TF: variants seen among roughly 807,000 people sequenced by gnomAD.
TF encodes the protein serotransferrin.
In TF, 55 loss-of-function variants were observed where a neutral mutation model predicts 82.4. That is an observed-to-expected ratio of 0.67 (90% CI 0.54 to 0.84). TF has a LOEUF of 0.84. Among genes scored for constraint, TF ranks in the 40% least tolerant of loss-of-function variants. The pLI is 0.00. For missense variants in TF, 737 were observed against 868.4 expected (o/e 0.85, Z 1.90); for synonymous variants, 332 against 332.6 (o/e 1.00, Z 0.02).
At chr3:133,765,085 C>CT (rs972684074) in intron 11 of TF, among the ~76,000 whole-genome samples, 178 bp downstream of exon 11, 5 of 152,166 alleles carry the variant, frequency 3.3e-5, no homozygotes, top group African/African-American at 1.2e-4. Flanking sequence ...CTTGCCATGG[C>CT]TTGCACACAG....
At chr3:133,764,846 T>C (rs1369771747) in intron 10 of TF, 29 bp from the exon 11 acceptor site, 8 of 1,611,360 alleles carry the variant, frequency 5.0e-6, no homozygotes, top group Admixed American at 1.7e-5. Flanking sequence ...CAGGGTTTAA[T>C]GCCTTTTTCA....
intron 5 of TF, among the ~76,000 whole-genome samples, chr3:133,756,063 A>G (rs1933820055): frequency 6.6e-6 from 1 of 151,934 alleles, no homozygotes; most frequent in Non-Finnish European, 1.5e-5. Context: ...CTTCAGTTGC[A>G]TTTTGCTTCT....
chr3:133,738,575 G>T, the TF span, among the ~76,000 whole-genome samples: 2 of 127,296 alleles, frequency 1.6e-5, no homozygotes, highest in Non-Finnish European at 1.7e-5. Flanking sequence ...CATCGTCTCA[G>T]TCCAAAATCT....
At chr3:133,717,991 T>C in the TF span, among the ~76,000 whole-genome samples, 1 of 152,058 alleles carries the variant, frequency 6.6e-6, no homozygotes, top group Non-Finnish European at 1.5e-5. Flanking sequence ...ATAAAATATA[T>C]GCCAAGAACT....
Position 133,784,713 on chromosome 3 carries a change from C to CCCTA in TF, c.*6097_*6100dup, listed in dbSNP as rs1445681959. Reference sequence around the variant, plus strand: ...GAACAGTTTCATCCTGAAACCATGCCCCTACCTTCCATGGAAAAATTGCCT... The same window carrying CCCTA: ...GAACAGTTTCATCCTGAAACCATGCCCCTACCTACCTTCCATGGAAAAATTGCCT... On this transcript the variant is annotated 3_prime_UTR_variant, in exon 17 of 17. Coordinates refer to ENST00000402696, the MANE Select transcript of TF (RefSeq NM_001063.4). 1 of 152,074 alleles carries CCCTA rather than the reference C, an allele frequency of 6.6e-6. No individual in the cohort carries two copies. The highest frequency in any genetic ancestry group is 1.9e-4 in the East Asian group (1 of 5,186). The allele number at this position is 152,074 out of a possible 1,614,324, so 9.4% of individuals were successfully genotyped here.
At position 133,787,157 on chromosome 3, in the gene TF, A is replaced by C. The variant is rs1188930893; in HGVS notation, c.*8537A>C. The C allele has an allele frequency of 4.6e-5, 7 of 152,144 alleles. No individual in the cohort carries two copies. The highest frequency in any genetic ancestry group is 1.0e-4 in the Non-Finnish European group (7 of 68,020). The allele number at this position is 152,144 out of a possible 1,614,324, so 9.4% of individuals were successfully genotyped here. ...AGTACATAATGGACAAATGAGTCCT[A>C]ATTTTGCAACATTTGGTCTCTAGAT... On this transcript the variant is annotated 3_prime_UTR_variant, in exon 17 of 17. Coordinates refer to ENST00000402696, the MANE Select transcript of TF (RefSeq NM_001063.4).
the TF span, among the ~76,000 whole-genome samples, chr3:133,732,528 T>A: frequency 5.9e-5 from 9 of 152,206 alleles, no homozygotes; most frequent in African/African-American, 2.2e-4. Flanking sequence ...CTCCGGTTCC[T>A]TTTCACAGTG....
At chr3:133,777,458 T>C (rs1312545367) in intron 16 of TF, 1 of 559,546 alleles carries the variant, frequency 1.8e-6, no homozygotes, top group Non-Finnish European at 3.2e-6. Context: ...GGTAGTGAAC[T>C]TATTGGGTAT....
rs1934815117 is a variant in TF at position 133,790,933 on chromosome 3, T to C, written c.*12313T>C. The C allele has an allele frequency of 6.6e-6, 1 of 152,170 alleles. No individual in the cohort carries two copies. The highest frequency in any genetic ancestry group is 2.1e-4 in the South Asian group (1 of 4,828). The allele number at this position is 152,170 out of a possible 1,614,324, so 9.4% of individuals were successfully genotyped here. ...TAGGTAAACACTGTAGCCTCCAGGGTAGATTGAGAAGGAAAAATTTAGGGT... is the reference window on the plus strand; with the variant it reads ...TAGGTAAACACTGTAGCCTCCAGGGCAGATTGAGAAGGAAAAATTTAGGGT... On this transcript the variant is annotated 3_prime_UTR_variant, in exon 17 of 17. Transcript: ENST00000402696.
chr3:133,777,316 G>T (rs1164366334), intron 16 of TF, 78 bp downstream of exon 16: 4 of 1,457,322 alleles, frequency 2.7e-6, no homozygotes, highest in Non-Finnish European at 3.8e-6. Flanking sequence ...GGTACAGGAG[G>T]GGTAGGCTGT....
chr3:133,769,307 G>A (rs953039001), intron 13 of TF, among the ~76,000 whole-genome samples: 2 of 152,234 alleles, frequency 1.3e-5, no homozygotes, highest in African/African-American at 2.4e-5. Flanking sequence ...TCACAAAGTA[G>A]AGCATGTTGT....
At chr3:133,668,741 G>C in the TF span, among the ~76,000 whole-genome samples, 1 of 152,150 alleles carries the variant, frequency 6.6e-6, no homozygotes, top group Non-Finnish European at 1.5e-5. Flanking sequence ...GGCATTCTCT[G>C]GCACCAGGAA....
In TF at chr3:133,784,454, A is replaced by G. The variant is rs1218692991; in HGVS notation, c.*5834A>G. 7.9e-6 allele frequency: 1 copy of G among 126,328 alleles called. No individual in the cohort carries two copies. The highest frequency in any genetic ancestry group is 1.6e-5 in the Non-Finnish European group (1 of 61,364). The allele number at this position is 126,328 out of a possible 1,614,324, so 7.8% of individuals were successfully genotyped here. A position where few individuals can be genotyped will look rare whatever the true frequency, so the allele number is the denominator to read the frequency against. On this transcript the variant is annotated 3_prime_UTR_variant, in exon 17 of 17. Transcript: ENST00000402696. ...AGTTAGAAAATCACACATCTTGTAA[A>G]TTCCCATTTGTTAAAAAAATAATAA...
the TF span, among the ~76,000 whole-genome samples, chr3:133,705,933 G>C: frequency 6.6e-6 from 1 of 152,174 alleles, no homozygotes; most frequent in Admixed American, 6.5e-5. Flanking sequence ...TATTTGCAGG[G>C]CACTTTATAG....
chr3:133,726,251 C>T, the TF span, among the ~76,000 whole-genome samples: 2 of 152,124 alleles, frequency 1.3e-5, no homozygotes, highest in African/African-American at 4.8e-5. Context: ...CCTCCTTGTA[C>T]CTCTGGTAGA....
chr3:133,759,069 A>G (rs1311839900), intron 8 of TF, 106 bp from the exon 9 acceptor site: 2 of 1,436,294 alleles, frequency 1.4e-6, no homozygotes, highest in Non-Finnish European at 2.0e-6. Context: ...CTGTTTGTTT[A>G]TTGCTGGCAA....
chr3:133,675,458 G>A, the TF span, among the ~76,000 whole-genome samples: 1,442 of 152,274 alleles, frequency 9.5e-3, 23 homozygotes, highest in African/African-American at 0.032. Flanking sequence ...TGGGAAGCAA[G>A]AATTGAAATT....
chr3:133,773,993 A>G (rs890245096), intron 14 of TF: 1 of 152,210 alleles, frequency 6.6e-6, no homozygotes, highest in Non-Finnish European at 1.5e-5. Flanking sequence ...ACACACTATA[A>G]GAGACAACTG....
chr3:133,750,461 G>A (rs368631435), intron 2 of TF, among the ~76,000 whole-genome samples: 5 of 65,074 alleles, frequency 7.7e-5, no homozygotes, highest in Non-Finnish European at 1.5e-4. Context: ...GGGGTTTTCC[G>A]TGTCTTTCTG....
Sources: gnomAD v4.1 joint callset for allele counts (sites outside exome capture counted in the v4.1 genomes callset) on GRCh38, gnomAD v4.1.1 for gene constraint, MANE v1.5 for transcripts, NCBI Gene and HGNC (gene_info 2026-07-23, HGNC 2026-07-21) for gene names.